The following ATAD2 variants were observed in gnomAD, a reference collection of about 807,000 sequenced individuals.
ATAD2 encodes ATPase family AAA domain-containing protein 2.
Under a neutral mutation model 168.9 loss-of-function variants are expected in ATAD2, and 62 were observed. That is an observed-to-expected ratio of 0.37 (90% CI 0.30 to 0.45). The LOEUF is 0.45. Among genes scored for constraint, ATAD2 ranks in the 20% least tolerant of loss-of-function variants. The pLI, the probability that ATAD2 is intolerant of heterozygous loss-of-function variation, is 1.00. For synonymous variants in ATAD2, 613 were observed against 571.6 expected (o/e 1.07, Z -1.03); for missense variants, 1,419 against 1,667.8 (o/e 0.85, Z 2.60).
chr8:123,400,974 C>T, upstream of ATAD2: 1 of 1,435,288 alleles, frequency 7.0e-7, no homozygotes, highest in Admixed American at 1.7e-5. This position sits in a 1 kb window ranked among gnomAD's most constrained non-coding sequence, Gnocchi z 4.5. Context: ...TGCTGGAGGC[C>T]ACGATGCGGC....
chr8:123,406,367 G>A (rs866680232), intron 1 of ATAD2, among the ~76,000 whole-genome samples: 4 of 133,780 alleles, frequency 3.0e-5, no homozygotes, highest in African/African-American at 5.8e-5. Flanking sequence ...GGGACAGAGC[G>A]GGACACTGTC....
At chr8:123,335,046 A>G (rs1827878792) in intron 22 of ATAD2, among the ~76,000 whole-genome samples, 1 of 152,102 alleles carries the variant, frequency 6.6e-6, no homozygotes, top group African/African-American at 2.4e-5. Flanking sequence ...TAGAAATGCA[A>G]ATTCTCAGGG....
intron 1 of ATAD2, among the ~76,000 whole-genome samples, chr8:123,384,375 TTTTG>T (rs1274890729): frequency 1.4e-4 from 21 of 152,314 alleles, no homozygotes; most frequent in East Asian, 7.7e-4. Flanking sequence ...AGTCTTGATT[TTTTG>T]TTTGTTTGTT....
At chr8:123,356,231 C>A in intron 13 of ATAD2, 158 bp downstream of exon 13, 1 of 443,454 alleles carries the variant, frequency 2.3e-6, no homozygotes, top group Non-Finnish European at 3.9e-6. Context: ...CAACCATCCA[C>A]ATTTTTTATT....
Position 123,361,604 on chromosome 8 carries a change from G to A in ATAD2, c.1092C>T (p.Ser364=), listed in dbSNP as rs189864383. 35 of 1,613,256 alleles carry A rather than the reference G, an allele frequency of 2.2e-5. No homozygotes were observed. Among genetic ancestry groups the A allele is most frequent in the Admixed American group, 1.3e-4 (8 of 60,014 alleles). Residue 364 remains serine, a synonymous_variant, in exon 9 of 28, where the codon TCC becomes TCT. Transcript: ENST00000287394. ...AIHSSDSTSS[S]SSEDEQHFER... Reference sequence around the variant, plus strand: ...CAAAGTGCTGTTCATCTTCAGAGGAGGAAGATGAAGTCGAGTCACTACTGT... The same window carrying A: ...CAAAGTGCTGTTCATCTTCAGAGGAAGAAGATGAAGTCGAGTCACTACTGT...
chr8:123,353,611 C>A (rs1419133513), intron 13 of ATAD2, among the ~76,000 whole-genome samples: 1 of 151,750 alleles, frequency 6.6e-6, no homozygotes, highest in Non-Finnish European at 1.5e-5. Flanking sequence ...GTATTCCAGG[C>A]TTGTCTTGAT....
chr8:123,388,537 C>G (rs1829710987), intron 1 of ATAD2, among the ~76,000 whole-genome samples: 1 of 151,992 alleles, frequency 6.6e-6, no homozygotes, highest in East Asian at 1.9e-4. Context: ...GGACTAGAGG[C>G]AGGCACCACC....
chr8:123,333,912 C>T lies in ATAD2; in HGVS notation c.3444G>A (p.Lys1148=). ...TGCAAGCCACAGGAGTACTCGGTGT[C>T]TTTAGCTTTTCATTCTGCTCTGGGT... ...RSDPEQNEKL[K]TPSTPVACST... is the part of the protein sequence containing the mutation. The change falls in exon 24 of 28, where the codon AAG becomes AAA. Residue 1148 remains lysine (K), a synonymous_variant. Transcript: ENST00000287394. The T allele has an allele frequency of 6.2e-7, 1 of 1,614,070 alleles. No homozygotes were observed.
intron 8 of ATAD2, 36 bp downstream of exon 8, chr8:123,369,022 T>C (rs1288506429): frequency 3.1e-6 from 4 of 1,283,702 alleles, no homozygotes; most frequent in South Asian, 1.4e-5. Context: ...AAAACAATTA[T>C]GTTGTCATAA....
intron 13 of ATAD2, among the ~76,000 whole-genome samples, chr8:123,354,864 AATATATAT>A (rs1251736641): frequency 1.2e-4 from 8 of 64,708 alleles, no homozygotes; most frequent in African/African-American, 6.1e-4. Context: ...AAAAAAAAAA[AATATATAT>A]ATATATATAT....
rs535322172 is a variant in ATAD2 at position 123,412,341 on chromosome 8, A to G, written c.-2282+3907T>C. Among the ~76,000 whole-genome samples, 4 of 152,334 alleles carry G rather than the reference A, an allele frequency of 2.6e-5. No homozygotes were observed. In the East Asian group the frequency reaches 5.8e-4, roughly 22 times the overall value. Reference sequence around the variant, plus strand: ...TTTAATTAATAAAAATATCAATTCAACAAGGATTTATGCCAACTACAATGC... The same window carrying G: ...TTTAATTAATAAAAATATCAATTCAGCAAGGATTTATGCCAACTACAATGC... On this transcript the variant is annotated intron_variant, in intron 1 of 28. Transcript: ENST00000521903.
chr8:123,389,895 G>A (rs1162406241), intron 1 of ATAD2, among the ~76,000 whole-genome samples: 3 of 144,994 alleles, frequency 2.1e-5, no homozygotes, highest in Non-Finnish European at 4.5e-5. Context: ...AAATATATGT[G>A]TCTTATCAAG....
At chr8:123,393,849 G>A (rs956646086) in intron 1 of ATAD2, among the ~76,000 whole-genome samples, 10 of 151,730 alleles carry the variant, frequency 6.6e-5, no homozygotes, top group Admixed American at 2.6e-4. Flanking sequence ...CCCGGGAGGC[G>A]GAAACTGCAG....
intron 2 of ATAD2, among the ~76,000 whole-genome samples, chr8:123,379,059 A>G (rs1829411739): frequency 6.6e-6 from 1 of 152,048 alleles, no homozygotes; most frequent in South Asian, 2.1e-4. Flanking sequence ...TGGCCTCCCA[A>G]AGTGGTAGGA....
chr8:123,395,293 C>T (rs1263867039), intron 1 of ATAD2, among the ~76,000 whole-genome samples: 1 of 152,176 alleles, frequency 6.6e-6, no homozygotes, highest in Admixed American at 6.5e-5. Context: ...TCCACCTAGG[C>T]CTCTTTCAGC....
chr8:123,327,296 C>T (rs1171769247), intron 25 of ATAD2, among the ~76,000 whole-genome samples: 3 of 152,090 alleles, frequency 2.0e-5, no homozygotes, highest in African/African-American at 7.2e-5. Context: ...AGTACCTGTA[C>T]TGCTAAATAG....
rs778626920 is a variant in ATAD2, at chr8:123,369,898, T to A, written c.854A>T (p.Asp285Val). The A allele has an allele frequency of 1.2e-6, 2 of 1,606,492 alleles. No individual in the cohort carries two copies. The highest frequency in any genetic ancestry group is 1.7e-5 in the Admixed American group (1 of 59,856). The stretch of plus-strand genomic sequence containing the variant: ...TCGCTTCTGATTCTCTTCTTCTCCA[T>A]CTTCTTCATCTTCATCATCTTCATC... The part of the protein sequence containing the change: ...DDDEDDEDEE[D>V]GEEENQKRYY... Residue 285 changes from aspartate to valine, a missense_variant, in exon 7 of 28, where the codon GAT (aspartate) becomes GTT (valine). This residue lies in a region of ATAD2 where 419 missense variants were observed against 423.5 expected (regional missense o/e 0.99). Coordinates refer to ENST00000287394, the MANE Select transcript of ATAD2 (RefSeq NM_014109.4).
intron 1 of ATAD2, among the ~76,000 whole-genome samples, chr8:123,383,329 G>T (rs539092642): frequency 2.0e-5 from 3 of 151,546 alleles, no homozygotes; most frequent in Admixed American, 6.6e-5. Flanking sequence ...ATGTATCCCA[G>T]AACTTAAAAT....
intron 1 of ATAD2, among the ~76,000 whole-genome samples, chr8:123,412,732 T>A (rs1813178706): frequency 6.6e-6 from 1 of 152,144 alleles, no homozygotes; most frequent in South Asian, 2.1e-4. Context: ...ACACCTGGCC[T>A]ATGTAGTTGT....
Sources: gnomAD v4.1 joint callset for allele counts (sites outside exome capture counted in the v4.1 genomes callset) on GRCh38, gnomAD v4.1.1 for gene constraint, gnomAD v4.1.1 regional missense constraint, Gnocchi (gnomAD v3.1) non-coding constraint, MANE v1.5 for transcripts, NCBI Gene and HGNC (gene_info 2026-07-23, HGNC 2026-07-21) for gene names.